The following ARMH3 variants were observed in gnomAD, a reference collection of about 807,000 sequenced individuals.
ARMH3 encodes the protein armadillo-like helical domain-containing protein 3.
ARMH3 carries 60 observed loss-of-function variants against 99.1 expected under a neutral mutation model. That is an observed-to-expected ratio of 0.61 (90% confidence interval 0.49 to 0.75). ARMH3 has a LOEUF of 0.75. ARMH3 is among the 30% of genes least tolerant of loss of function. The pLI is 0.00. For missense variants in ARMH3, 679 were observed against 843.1 expected (o/e 0.81, Z 2.41); for synonymous variants, 285 against 292.8 (o/e 0.97, Z 0.27).
At chr10:101,862,702 A>T (rs2066901689) in intron 24 of ARMH3, among the ~76,000 whole-genome samples, 2 of 152,310 alleles carry the variant, frequency 1.3e-5, no homozygotes, top group South Asian at 2.1e-4. Context: ...TATAAAATGA[A>T]ATCATAAAAA....
chr10:101,979,250 T>C (rs1357504017), intron 19 of ARMH3, among the ~76,000 whole-genome samples: 1 of 152,110 alleles, frequency 6.6e-6, no homozygotes, highest in Non-Finnish European at 1.5e-5. Context: ...TATCAATTAG[T>C]GAATGAATAA....
In ARMH3 at chr10:101,939,848, CT is replaced by C; in HGVS notation, c.1781+14del. ...GAGCCAAGGAACTCTGCAAGAGATA[CT>C]TCTCATTCCTTACCTGATATTAACC... On this transcript the variant is annotated intron_variant, in intron 23 of 25. Transcript: ENST00000370033. 1 of 1,610,270 alleles carries C rather than the reference CT, an allele frequency of 6.2e-7. No homozygotes were observed. Among genetic ancestry groups the C allele is most frequent in the Non-Finnish European group, 8.5e-7 (1 of 1,177,460 alleles).
intron 14 of ARMH3, 120 bp from the exon 15 acceptor site, chr10:102,002,192 G>A (rs1017508848): frequency 6.9e-7 from 1 of 1,443,344 alleles, no homozygotes; most frequent in Non-Finnish European, 9.3e-7. Context: ...CCACAACAGA[G>A]GGAGGACCAA....
At chr10:102,019,841 T>C (rs1309751983) in intron 8 of ARMH3, among the ~76,000 whole-genome samples, 1 of 146,448 alleles carries the variant, frequency 6.8e-6, no homozygotes, top group Non-Finnish European at 1.5e-5. Context: ...GGCAGGAGAA[T>C]GGCATGAACC....
intron 23 of ARMH3, among the ~76,000 whole-genome samples, chr10:101,910,990 A>T (rs922935634): frequency 5.9e-5 from 9 of 152,026 alleles, no homozygotes; most frequent in African/African-American, 2.2e-4. Context: ...AAATACAAAA[A>T]TTAGCCAGAT....
At chr10:102,008,179 A>G (rs1307726485) in intron 13 of ARMH3, among the ~76,000 whole-genome samples, 4 of 152,226 alleles carry the variant, frequency 2.6e-5, no homozygotes, top group African/African-American at 7.2e-5. Context: ...CTATGTTATC[A>G]GTCATGAAAA....
intron 23 of ARMH3, among the ~76,000 whole-genome samples, chr10:101,920,643 A>C (rs1843270066): frequency 6.6e-6 from 1 of 152,212 alleles, no homozygotes; most frequent in African/African-American, 2.4e-5. Context: ...ATGCAATAAT[A>C]AAATACTGCT....
At chr10:101,873,264 T>C (rs1210429585) in intron 24 of ARMH3, among the ~76,000 whole-genome samples, 1 of 150,210 alleles carries the variant, frequency 6.7e-6, no homozygotes, top group Non-Finnish European at 1.5e-5. Context: ...AAAAAAAAAT[T>C]AGCTGGGCGT....
intron 19 of ARMH3, among the ~76,000 whole-genome samples, chr10:101,976,817 T>A (rs1846034084): frequency 6.6e-6 from 1 of 151,296 alleles, no homozygotes; most frequent in Non-Finnish European, 1.5e-5. Context: ...AGCCGGCTAA[T>A]TTTTTTTTGT....
At chr10:101,885,658 G>C (rs2067522464) in intron 24 of ARMH3, among the ~76,000 whole-genome samples, 2 of 152,184 alleles carry the variant, frequency 1.3e-5, no homozygotes. Context: ...TGGATATAGA[G>C]TTTCAGTATG....
chr10:102,023,852 T>G, intron 6 of ARMH3, 103 bp from the exon 7 acceptor site: 4 of 1,104,844 alleles, frequency 3.6e-6, no homozygotes, highest in Non-Finnish European at 4.0e-6. Context: ...ATTAAAATAT[T>G]TCTACTAGAT....
At chr10:101,894,191 C>T (rs2067761802) in intron 23 of ARMH3, among the ~76,000 whole-genome samples, 1 of 152,146 alleles carries the variant, frequency 6.6e-6, no homozygotes, top group Non-Finnish European at 1.5e-5. Context: ...TCTGCAAAAT[C>T]TGAGTGCTAA....
chr10:102,000,189 T>C (rs1347898478), intron 15 of ARMH3, among the ~76,000 whole-genome samples: 1 of 152,228 alleles, frequency 6.6e-6, no homozygotes, highest in Non-Finnish European at 1.5e-5. Flanking sequence ...TTCATGAGTA[T>C]ATAGGTAAAT....
intron 23 of ARMH3, among the ~76,000 whole-genome samples, chr10:101,935,393 G>A (rs914436950): frequency 1.3e-5 from 2 of 151,978 alleles, no homozygotes; most frequent in Non-Finnish European, 2.9e-5. Context: ...GCATGACTAA[G>A]CCATGAAAGA....
chr10:101,949,250 A>G (rs1042964074), intron 22 of ARMH3, among the ~76,000 whole-genome samples: 1 of 152,042 alleles, frequency 6.6e-6, no homozygotes, highest in African/African-American at 2.4e-5. Context: ...ATAAATCAAT[A>G]AAACAGAAAA....
At chr10:101,876,186 T>C (rs1220388949) in intron 24 of ARMH3, among the ~76,000 whole-genome samples, 3 of 144,936 alleles carry the variant, frequency 2.1e-5, no homozygotes, top group Admixed American at 7.3e-5. Flanking sequence ...AAGGCGGAGA[T>C]TGCAGTAAGC....
At chr10:102,050,479 C>T (rs909875648) in intron 1 of ARMH3, among the ~76,000 whole-genome samples, 1 of 151,924 alleles carries the variant, frequency 6.6e-6, no homozygotes, top group Admixed American at 6.6e-5. Flanking sequence ...TACATACATA[C>T]ATAAATAAAT....
intron 24 of ARMH3, among the ~76,000 whole-genome samples, chr10:101,882,539 G>A (rs944475200): frequency 5.3e-5 from 8 of 152,116 alleles, no homozygotes; most frequent in African/African-American, 1.7e-4. Flanking sequence ...TTGCTCTGTC[G>A]CCCAGGCTGG....
intron 24 of ARMH3, among the ~76,000 whole-genome samples, chr10:101,858,041 A>G (rs556688038): frequency 1.3e-4 from 20 of 152,334 alleles, no homozygotes; most frequent in African/African-American, 4.8e-4. Context: ...CAGATGCTGG[A>G]CAGCTTAGAA....
Sources: gnomAD v4.1 joint callset for allele counts (sites outside exome capture counted in the v4.1 genomes callset) on GRCh38, gnomAD v4.1.1 for gene constraint, MANE v1.5 for transcripts, NCBI Gene and HGNC (gene_info 2026-07-23, HGNC 2026-07-21) for gene names.